Variants in SLC4A4 observed in about 807,000 individuals in gnomAD.
The protein encoded by SLC4A4 is electrogenic sodium bicarbonate cotransporter 1.
Under a neutral mutation model 111.5 loss-of-function variants are expected in SLC4A4, and 27 were observed. The observed-to-expected ratio is 0.24, with a 90% confidence interval of 0.18 to 0.33. The LOEUF (loss-of-function observed/expected upper bound fraction) is 0.33. Ranked by LOEUF, SLC4A4 falls within the 10% of genes least tolerant of loss-of-function variation. SLC4A4 has a pLI of 1.00. For missense variants in SLC4A4, 909 were observed against 1,315.5 expected (o/e 0.69, Z 4.78); for synonymous variants, 443 against 463.4 (o/e 0.96, Z 0.57).
chr4:71,534,510 G>C, intron 18 of SLC4A4, 122 bp downstream of exon 18: 1 of 878,506 alleles, frequency 1.1e-6, no homozygotes, highest in Non-Finnish European at 1.8e-6. Flanking sequence ...TTCCTTAAGA[G>C]TCCGCAGAAC....
At chr4:71,523,639 A>G (rs1733158268) in intron 16 of SLC4A4, among the ~76,000 whole-genome samples, 1 of 152,136 alleles carries the variant, frequency 6.6e-6, no homozygotes, top group Non-Finnish European at 1.5e-5. Context: ...TTATTTATCC[A>G]TCAGAGAAAA....
chr4:71,443,116 C>CTCTCTCTATATA (rs1198759861), intron 8 of SLC4A4, among the ~76,000 whole-genome samples: 40 of 65,634 alleles, frequency 6.1e-4, no homozygotes, highest in African/African-American at 9.6e-4. Flanking sequence ...CTCTCTCTCT[C>CTCTCTCTATATA]TATATATATA....
At chr4:71,542,956 A>G (rs187861290) in intron 18 of SLC4A4, among the ~76,000 whole-genome samples, 2 of 152,246 alleles carry the variant, frequency 1.3e-5, no homozygotes, top group Admixed American at 1.3e-4. Flanking sequence ...CACTGTGCCA[A>G]GTGCTAGTTT....
chr4:71,347,799 A>G (rs1280868394), intron 4 of SLC4A4, among the ~76,000 whole-genome samples: 2 of 151,872 alleles, frequency 1.3e-5, no homozygotes, highest in African/African-American at 4.8e-5. Context: ...CTTGTAAAAC[A>G]CTCCCCTTTA....
rs531712837 is a variant in SLC4A4, at chr4:71,516,990, T to C, written c.2167-15072T>C. On this transcript the variant is annotated intron_variant, in intron 16 of 25. Transcript: ENST00000264485. ...CTAGTATTGTTGGAACTCTCTTGTA[T>C]GTGATTTGCTTCTTTTCTCTTGCTG... Among the ~76,000 whole-genome samples the C allele has an allele frequency of 2.1e-4, 32 of 152,330 alleles. No homozygotes were observed. In the South Asian group the frequency reaches 6.2e-3, roughly 30 times the overall value.
intron 18 of SLC4A4, among the ~76,000 whole-genome samples, chr4:71,542,818 G>A (rs1212805216): frequency 6.6e-6 from 1 of 152,072 alleles, no homozygotes; most frequent in Non-Finnish European, 1.5e-5. Context: ...GTAAACCACT[G>A]GAGGGAAGGA....
chr4:71,084,703 C>T (rs1256235220), intron 1 of SLC4A4, among the ~76,000 whole-genome samples: 5 of 151,996 alleles, frequency 3.3e-5, no homozygotes, highest in Admixed American at 1.3e-4. Flanking sequence ...TGGTTTCCAG[C>T]TTCATCCATG....
chr4:71,209,958 C>A (rs547349696), intron 1 of SLC4A4, among the ~76,000 whole-genome samples: 1 of 152,334 alleles, frequency 6.6e-6, no homozygotes, highest in South Asian at 2.1e-4. Context: ...ATGAAAGTCT[C>A]TGAGAATTGA....
At position 71,187,282 on chromosome 4, in the gene SLC4A4, G is replaced by C. The variant is rs942090586; in HGVS notation, c.-121G>C. 5.2e-5 allele frequency: 8 copies of C among 154,252 alleles called. No individual in the cohort carries two copies. Among genetic ancestry groups the C allele is most frequent in the Admixed American group, 4.0e-4 (6 of 15,122 alleles). 9.6% of individuals were successfully genotyped at this position (154,252 alleles called of 1,614,324 possible). On this transcript the variant is annotated 5_prime_UTR_variant, in exon 1 of 26. Coordinates refer to ENST00000264485, the MANE Select transcript of SLC4A4 (RefSeq NM_001098484.3). Reference sequence around the variant, plus strand: ...CCGGCGGCGCGCCGGGCAGCGCTTCGGTGGCGGCGGCGGCCGCGGTGGCAG... The same window carrying C: ...CCGGCGGCGCGCCGGGCAGCGCTTCCGTGGCGGCGGCGGCCGCGGTGGCAG...
At chr4:71,567,764 C>CTTTTTTTTTTTTTTTTTT (rs150600814) in intron 25 of SLC4A4, 24 bp from the exon 26 acceptor site, 1 of 1,055,944 alleles carries the variant, frequency 9.5e-7, no homozygotes. Context: ...TTACTTACTA[C>CTTTTTTTTTTTTTTTTTT]TTTTTTTTTT....
Position 71,439,076 on chromosome 4 carries a change from A to G in SLC4A4, c.808-1540A>G, listed in dbSNP as rs541808268. Among the ~76,000 whole-genome samples, 7 of 151,360 alleles carry G rather than the reference A, an allele frequency of 4.6e-5. No individual in the cohort carries two copies. The South Asian group carries it at 1.5e-3, about 32-fold the overall frequency. On this transcript the variant is annotated intron_variant, in intron 7 of 25. Transcript: ENST00000264485. Reference sequence around the variant, plus strand: ...CTTCCCCATTTCTCAGCTTTTTTTGATAGCAACATTTCTCAAAACAATTAT... The same window carrying G: ...CTTCCCCATTTCTCAGCTTTTTTTGGTAGCAACATTTCTCAAAACAATTAT...
intron 14 of SLC4A4, among the ~76,000 whole-genome samples, chr4:71,481,171 G>T (rs893232258): frequency 6.6e-6 from 1 of 151,658 alleles, no homozygotes; most frequent in South Asian, 2.1e-4. Flanking sequence ...GAGCCTAAGG[G>T]CACTATGCTC....
At chr4:71,207,086 T>C (rs558060367) in intron 1 of SLC4A4, among the ~76,000 whole-genome samples, 67 of 152,318 alleles carry the variant, frequency 4.4e-4, no homozygotes, top group Non-Finnish European at 1.5e-5. Context: ...TAGTGTATAT[T>C]GAGAACAGTA....
At chr4:71,390,703 C>T (rs951473419) in intron 6 of SLC4A4, among the ~76,000 whole-genome samples, 1 of 152,070 alleles carries the variant, frequency 6.6e-6, no homozygotes, top group East Asian at 1.9e-4. Context: ...AATATATTCT[C>T]TGTGGTTGTA....
chr4:71,390,464 G>A (rs937602369), intron 6 of SLC4A4, among the ~76,000 whole-genome samples: 2 of 152,112 alleles, frequency 1.3e-5, no homozygotes, highest in African/African-American at 2.4e-5. Context: ...TATTGCTGCT[G>A]CCTTTAGCAT....
chr4:71,143,549 G>C (rs911853448), intron 2 of SLC4A4, among the ~76,000 whole-genome samples: 19 of 152,190 alleles, frequency 1.2e-4, no homozygotes, highest in Admixed American at 3.3e-4. Flanking sequence ...GGTTGAACTA[G>C]TTTACAGTCC....
At chr4:71,542,027 A>G (rs767895199) in intron 18 of SLC4A4, among the ~76,000 whole-genome samples, 2 of 152,078 alleles carry the variant, frequency 1.3e-5, no homozygotes, top group Non-Finnish European at 2.9e-5. Context: ...ATGCATATAT[A>G]GGTGGTTTTG....
chr4:71,419,480 G>T (rs1417690286), intron 7 of SLC4A4, among the ~76,000 whole-genome samples: 1 of 152,224 alleles, frequency 6.6e-6, no homozygotes, highest in Admixed American at 6.5e-5. Context: ...AGACTCCGTG[G>T]GCGTAGGACC....
chr4:71,443,924 G>A (rs1407736259), intron 8 of SLC4A4, among the ~76,000 whole-genome samples: 2 of 152,184 alleles, frequency 1.3e-5, no homozygotes, highest in South Asian at 2.1e-4. Flanking sequence ...ATTGCTAGCT[G>A]CTATTAATAT....
Sources: gnomAD v4.1 joint callset for allele counts (sites outside exome capture counted in the v4.1 genomes callset) on GRCh38, gnomAD v4.1.1 for gene constraint, MANE v1.5 for transcripts, NCBI Gene and HGNC (gene_info 2026-07-23, HGNC 2026-07-21) for gene names.